CREB5: variants seen among roughly 807,000 people sequenced by gnomAD.
CREB5 encodes cyclic AMP-responsive element-binding protein 5.
Under a neutral mutation model 57.1 loss-of-function variants are expected in CREB5, and 19 were observed. The ratio of observed to expected loss-of-function variants is 0.33; its 90% CI spans 0.23 to 0.49. The LOEUF (loss-of-function observed/expected upper bound fraction) is 0.49, where lower values mean the gene tolerates loss of function less well. Ranked by LOEUF, CREB5 falls within the 20% of genes least tolerant of loss-of-function variation. CREB5 has a pLI of 0.99. For synonymous variants in CREB5, 238 were observed against 238.3 expected (o/e 1.00, Z 0.01); for missense variants, 579 against 671.6 (o/e 0.86, Z 1.52).
At chr7:28,636,877 T>G (rs1002101747) in intron 5 of CREB5, among the ~76,000 whole-genome samples, 9 of 152,152 alleles carry the variant, frequency 5.9e-5, no homozygotes, top group Non-Finnish European at 1.0e-4. Context: ...AAAATTTCAC[T>G]GAGTGCAGTG....
intron 4 of CREB5, among the ~76,000 whole-genome samples, chr7:28,553,633 G>A (rs1027434429): frequency 7.2e-5 from 11 of 152,156 alleles, no homozygotes; most frequent in African/African-American, 1.2e-4. Flanking sequence ...GCTTTTTATC[G>A]GAGCGTTATT....
chr7:28,779,517 T>C (rs972813297), intron 7 of CREB5, among the ~76,000 whole-genome samples: 1 of 152,188 alleles, frequency 6.6e-6, no homozygotes, highest in South Asian at 2.1e-4. Context: ...CTGCCCTCAA[T>C]TGGTGACAGT....
intron 1 of CREB5, among the ~76,000 whole-genome samples, chr7:28,359,331 C>T (rs529818706): frequency 5.9e-5 from 9 of 152,006 alleles, no homozygotes; most frequent in African/African-American, 2.2e-4. Context: ...AATATGAAGA[C>T]AGCCAAACTT....
At position 28,597,988 on chromosome 7, in the gene CREB5, A is replaced by G. The variant is rs954477381; in HGVS notation, c.464+27451A>G. Among the ~76,000 whole-genome samples, 4 of 115,868 alleles carry G rather than the reference A, an allele frequency of 3.5e-5. No homozygotes were observed. The Admixed American group carries it at 3.9e-4, about 11-fold the overall frequency. The allele number at this position is 115,868 out of a possible 152,430, so 76.0% of individuals were successfully genotyped here. ...TTGATTTCCCTCAAAAGGAAAAGGC[A>G]AGGAAGAGAGCTAGAACTAGGATGT... On this transcript the variant is annotated intron_variant, in intron 5 of 10. Coordinates refer to ENST00000357727, the MANE Select transcript of CREB5 (RefSeq NM_182898.4).
intron 3 of CREB5, among the ~76,000 whole-genome samples, chr7:28,499,879 G>T (rs187078635): frequency 6.6e-6 from 1 of 152,208 alleles, no homozygotes; most frequent in Non-Finnish European, 1.5e-5. Context: ...CACAGCACCC[G>T]GCCAACTGTG....
At chr7:28,321,239 A>G (rs1252632481) in intron 1 of CREB5, among the ~76,000 whole-genome samples, 1 of 151,594 alleles carries the variant, frequency 6.6e-6, no homozygotes, top group Non-Finnish European at 1.5e-5. Context: ...TGTACCCTTC[A>G]TCCTCCTCTT....
chr7:28,508,647 T>C (rs1215757824), intron 4 of CREB5, among the ~76,000 whole-genome samples: 2 of 152,186 alleles, frequency 1.3e-5, no homozygotes, highest in Admixed American at 6.5e-5. Flanking sequence ...CTCCACCAGA[T>C]TTTTCCTGTC....
intron 4 of CREB5, among the ~76,000 whole-genome samples, chr7:28,538,737 G>A (rs1398141937): frequency 6.6e-6 from 1 of 152,070 alleles, no homozygotes; most frequent in Non-Finnish European, 1.5e-5. Flanking sequence ...TTAAAGCTGT[G>A]CATTTCCTTC....
chr7:28,331,010 A>G (rs1408490871), intron 1 of CREB5, among the ~76,000 whole-genome samples: 1 of 152,140 alleles, frequency 6.6e-6, no homozygotes, highest in Non-Finnish European at 1.5e-5. Context: ...CTGGTTCACT[A>G]TGAATCAGCT....
intron 5 of CREB5, among the ~76,000 whole-genome samples, chr7:28,642,834 A>G (rs937833511): frequency 2.0e-5 from 3 of 152,144 alleles, no homozygotes; most frequent in Non-Finnish European, 2.9e-5. Flanking sequence ...TAAATGGCAT[A>G]TGTAATAGCT....
intron 7 of CREB5, among the ~76,000 whole-genome samples, chr7:28,752,137 T>G (rs1805013983): frequency 1.3e-5 from 2 of 152,204 alleles, no homozygotes; most frequent in South Asian, 4.1e-4. Flanking sequence ...TCCAGTGTTC[T>G]CCCCTCTCAA....
intron 1 of CREB5, among the ~76,000 whole-genome samples, chr7:28,436,272 C>T (rs923515948): frequency 6.6e-6 from 1 of 152,092 alleles, no homozygotes; most frequent in African/African-American, 2.4e-5. Flanking sequence ...TACATTTGTG[C>T]ATATGGCCTT....
rs1562797827 is a variant in CREB5 at position 28,560,919 on chromosome 7, T to TGCGTGCGCGCGCGCGCGTGC, written c.292-9445_292-9444insCGTGCGCGCGCGCGCGTGCG. On this transcript the variant is annotated intron_variant, in intron 4 of 10. Coordinates refer to ENST00000357727, the MANE Select transcript of CREB5 (RefSeq NM_182898.4). ...GTGCGTGCGCGCGTGCGTGTGCGTG[T>TGCGTGCGCGCGCGCGCGTGC]GTGCGCGTGCGTGTGTGCGTGCGTG... Among the ~76,000 whole-genome samples, 258 of 42,892 alleles carry TGCGTGCGCGCGCGCGCGTGC rather than the reference T, an allele frequency of 6.0e-3. 17 individuals are homozygous for TGCGTGCGCGCGCGCGCGTGC. Among genetic ancestry groups the TGCGTGCGCGCGCGCGCGTGC allele is most frequent in the South Asian group, 0.025 (26 of 1,042 alleles). 28.1% of individuals were successfully genotyped at this position (42,892 alleles called of 152,430 possible).
Position 28,660,381 on chromosome 7 carries a change from G to GTTTT in CREB5, c.465-58355_465-58352dup, listed in dbSNP as rs10696255. Reference sequence around the variant, plus strand: ...CAAACTATCATCTATGCATTCAACAGTTTTTTTTTTTTTTTTTTTTGAGCA... The same window carrying GTTTT: ...CAAACTATCATCTATGCATTCAACAGTTTTTTTTTTTTTTTTTTTTTTTTGAGCA... On this transcript the variant is annotated intron_variant, in intron 5 of 10. Transcript: ENST00000357727. Among the ~76,000 whole-genome samples, 99 of 119,240 alleles carry GTTTT rather than the reference G, an allele frequency of 8.3e-4. 1 individual carries two copies. Among genetic ancestry groups the GTTTT allele is most frequent in the African/African-American group, 1.9e-3 (57 of 30,362 alleles). 78.2% of individuals were successfully genotyped at this position (119,240 alleles called of 152,430 possible). A position where few individuals can be genotyped will look rare whatever the true frequency, so the allele number is the denominator to read the frequency against.
intron 2 of CREB5, among the ~76,000 whole-genome samples, chr7:28,490,131 G>C (rs1791734817): frequency 6.6e-6 from 1 of 152,204 alleles, no homozygotes; most frequent in South Asian, 2.1e-4. Context: ...CTTTTTGGGA[G>C]CCTACTATGT....
At chr7:28,552,432 A>G (rs1490516036) in intron 4 of CREB5, among the ~76,000 whole-genome samples, 1 of 152,152 alleles carries the variant, frequency 6.6e-6, no homozygotes, top group African/African-American at 2.4e-5. Flanking sequence ...CTTTCCTCCC[A>G]TGTTTCTGGT....
chr7:28,784,783 C>T (rs183190113), intron 7 of CREB5, among the ~76,000 whole-genome samples: 3 of 152,280 alleles, frequency 2.0e-5, no homozygotes, highest in Admixed American at 6.5e-5. Context: ...TGCTTTCTCT[C>T]GCTCAGCCTC....
chr7:28,498,006 T>G (rs1792123295), intron 3 of CREB5, among the ~76,000 whole-genome samples: 1 of 152,216 alleles, frequency 6.6e-6, no homozygotes, highest in Admixed American at 6.5e-5. Flanking sequence ...ATGATGAGTT[T>G]TAGTATCTTA....
rs1554278748 is a variant in CREB5 at position 28,638,342 on chromosome 7, A to ATTCTTTTTTCCTTTT, written c.464+67815_464+67816insCTTTTTTCTTTTTTC. Among the ~76,000 whole-genome samples, 12 of 145,534 alleles carry ATTCTTTTTTCCTTTT rather than the reference A, an allele frequency of 8.2e-5. No homozygotes were observed. The East Asian group carries it at 2.4e-3, about 29-fold the overall frequency. ...GGCTGGTTGCTAGGAAGGTTTGCAT[A>ATTCTTTTTTCCTTTT]TTCTTTTTTCTTTTTTTTTTGGAAA... On this transcript the variant is annotated intron_variant, in intron 5 of 10. Coordinates refer to ENST00000357727, the MANE Select transcript of CREB5 (RefSeq NM_182898.4).
Sources: allele counts gnomAD v4.1 joint callset (sites outside exome capture counted in the v4.1 genomes callset), GRCh38; gene constraint gnomAD v4.1.1; transcripts MANE v1.5; gene names NCBI Gene and HGNC (gene_info 2026-07-23, HGNC 2026-07-21).